CCDC60: variants seen among roughly 807,000 people sequenced by gnomAD.
The protein encoded by CCDC60 is coiled-coil domain-containing protein 60.
A neutral mutation model predicts 63.5 loss-of-function variants in CCDC60; 54 were observed. The observed-to-expected ratio is 0.85, with a 90% CI of 0.68 to 1.07. CCDC60 has a LOEUF of 1.07. Among genes scored for constraint, CCDC60 ranks in the 50% least tolerant of loss-of-function variants. The pLI, the probability that CCDC60 is intolerant of heterozygous loss-of-function variation, is 0.00. For synonymous variants in CCDC60, 206 were observed against 238.8 expected (o/e 0.86, Z 1.27); for missense variants, 651 against 684.3 (o/e 0.95, Z 0.54).
chr12:119,509,053 G>T (rs896090824), intron 7 of CCDC60, among the ~76,000 whole-genome samples: 3 of 152,042 alleles, frequency 2.0e-5, no homozygotes, highest in Admixed American at 1.3e-4. Flanking sequence ...AACACTGCAG[G>T]CATGTCCCCA....
At chr12:119,468,898 A>AC (rs1277343039) in intron 2 of CCDC60, among the ~76,000 whole-genome samples, 2 of 151,744 alleles carry the variant, frequency 1.3e-5, no homozygotes, top group Non-Finnish European at 1.5e-5. Flanking sequence ...ACACAGTGAG[A>AC]CCCCCATCTC....
At chr12:119,538,239 T>C (rs1090246) in intron 13 of CCDC60, among the ~76,000 whole-genome samples, 49,866 of 152,152 alleles carry the variant, frequency 0.33, 8,515 homozygotes, top group African/African-American at 0.44. Flanking sequence ...CGCATATAAT[T>C]TCCTGGTGTG....
chr12:119,401,143 G>C (rs1427350181), intron 1 of CCDC60, among the ~76,000 whole-genome samples: 1 of 152,178 alleles, frequency 6.6e-6, no homozygotes, highest in Non-Finnish European at 1.5e-5. Context: ...AGAAAGAGGG[G>C]CTTGGTCCAA....
chr12:119,410,561 C>T lies in CCDC60; in HGVS notation c.91-18122C>T, dbSNP rs961257848. Among the ~76,000 whole-genome samples, 3 of 151,722 alleles carry T rather than the reference C, an allele frequency of 2.0e-5. No homozygotes were observed. Among genetic ancestry groups the T allele is most frequent in the Admixed American group, 2.0e-4 (3 of 15,224 alleles). Reference sequence around the variant, plus strand: ...TCAGGAAAACCTTCATCACCACACCCCAATACACACACACACACAGGCACA... The same window carrying T: ...TCAGGAAAACCTTCATCACCACACCTCAATACACACACACACACAGGCACA... On this transcript the variant is annotated intron_variant, in intron 1 of 13. Coordinates refer to ENST00000327554, the MANE Select transcript of CCDC60 (RefSeq NM_178499.5). This position sits in a 1 kb window ranked among gnomAD's most constrained non-coding sequence, Gnocchi z 4.0.
intron 2 of CCDC60, among the ~76,000 whole-genome samples, chr12:119,449,863 CT>C (rs1293103815): frequency 6.6e-6 from 1 of 152,134 alleles, no homozygotes; most frequent in Non-Finnish European, 1.5e-5. Context: ...TAATCAAGTT[CT>C]AAAGGATGAG....
chr12:119,377,703 A>T (rs1955967288), intron 1 of CCDC60, among the ~76,000 whole-genome samples: 1 of 152,242 alleles, frequency 6.6e-6, no homozygotes, highest in Non-Finnish European at 1.5e-5. Context: ...AATCAAATCC[A>T]GGAAAATTTG....
chr12:119,335,504 G>C (rs1750373073), intron 1 of CCDC60, among the ~76,000 whole-genome samples: 5 of 150,764 alleles, frequency 3.3e-5, no homozygotes, highest in Admixed American at 2.6e-4. Flanking sequence ...ACTGGTGTGA[G>C]ATGGTATCTC....
intron 13 of CCDC60, among the ~76,000 whole-genome samples, chr12:119,535,571 T>C (rs113836577): frequency 0.04 from 6,062 of 152,316 alleles, 182 homozygotes; most frequent in Non-Finnish European, 0.059. Context: ...ATTTTCCCTC[T>C]ACACACTGCT....
At chr12:119,390,914 C>T (rs982527972) in intron 1 of CCDC60, among the ~76,000 whole-genome samples, 7 of 152,212 alleles carry the variant, frequency 4.6e-5, no homozygotes, top group African/African-American at 9.7e-5. Flanking sequence ...TGCTTCCAGG[C>T]GGGGCAGCCA....
intron 2 of CCDC60, among the ~76,000 whole-genome samples, chr12:119,446,582 G>T (rs1297199366): frequency 2.6e-5 from 4 of 152,110 alleles, no homozygotes; most frequent in African/African-American, 9.7e-5. Flanking sequence ...TGGGAGGAAG[G>T]ATACAGGAAG....
intron 8 of CCDC60, among the ~76,000 whole-genome samples, chr12:119,518,396 G>A (rs1040935462): frequency 4.6e-5 from 7 of 151,972 alleles, no homozygotes; most frequent in South Asian, 4.2e-4. Flanking sequence ...AGATTGTGTC[G>A]CATCAAAGCT....
At chr12:119,364,716 C>T (rs1006350500) in intron 1 of CCDC60, among the ~76,000 whole-genome samples, 34 of 152,180 alleles carry the variant, frequency 2.2e-4, no homozygotes, top group Non-Finnish European at 4.7e-4. Flanking sequence ...GGTAACAGAG[C>T]ACAGACTCCG....
At chr12:119,392,881 G>A (rs777066083) in intron 1 of CCDC60, among the ~76,000 whole-genome samples, 2 of 152,180 alleles carry the variant, frequency 1.3e-5, no homozygotes, top group African/African-American at 2.4e-5. Context: ...GTGGCCAGGT[G>A]CAGTGGCTTA....
At chr12:119,344,562 G>A (rs1286733009) in intron 1 of CCDC60, among the ~76,000 whole-genome samples, 1 of 152,134 alleles carries the variant, frequency 6.6e-6, no homozygotes, top group Middle Eastern at 3.2e-3. Flanking sequence ...CCCCATTACT[G>A]TACTTTTTAC....
At chr12:119,528,910 C>T (rs1952764028) in intron 12 of CCDC60, among the ~76,000 whole-genome samples, 164 bp downstream of exon 12, 3 of 152,124 alleles carry the variant, frequency 2.0e-5, no homozygotes, top group Non-Finnish European at 4.4e-5. Context: ...AACACTAAAT[C>T]CAGAGCACAA....
chr12:119,346,706 G>GA (rs1486512942), intron 1 of CCDC60, among the ~76,000 whole-genome samples: 1 of 151,626 alleles, frequency 6.6e-6, no homozygotes, highest in Non-Finnish European at 1.5e-5. Context: ...GTTTCTGCCA[G>GA]AAAAAAACAC....
At chr12:119,389,698 C>T (rs942485810) in intron 1 of CCDC60, among the ~76,000 whole-genome samples, 5 of 152,044 alleles carry the variant, frequency 3.3e-5, no homozygotes, top group African/African-American at 1.2e-4. Flanking sequence ...TAAGTCTGAG[C>T]CCCTGAGCCC....
chr12:119,368,562 C>A (rs755763434), intron 1 of CCDC60, among the ~76,000 whole-genome samples: 10 of 152,148 alleles, frequency 6.6e-5, no homozygotes, highest in Non-Finnish European at 8.8e-5. Flanking sequence ...CGCCTTCCGA[C>A]TTCTGAGCTG....
chr12:119,389,679 C>T (rs1593012734), intron 1 of CCDC60, among the ~76,000 whole-genome samples: 1 of 152,066 alleles, frequency 6.6e-6, no homozygotes, highest in Non-Finnish European at 1.5e-5. Context: ...AGGGGATTGT[C>T]GATCATGGTA....
Sources: allele counts gnomAD v4.1 joint callset (sites outside exome capture counted in the v4.1 genomes callset), GRCh38; gene constraint gnomAD v4.1.1; non-coding constraint Gnocchi (gnomAD v3.1); transcripts MANE v1.5; gene names NCBI Gene and HGNC (gene_info 2026-07-23, HGNC 2026-07-21).